Variants in NPEPPS observed in about 807,000 individuals in gnomAD.
NPEPPS encodes aminopeptidase puromycin sensitive, also known as puromycin-sensitive aminopeptidase.
NPEPPS carries 14 observed loss-of-function variants against 115.5 expected under a neutral mutation model. The ratio of observed to expected loss-of-function variants is 0.12; its 90% confidence interval spans 0.08 to 0.19. NPEPPS has a LOEUF of 0.19. Ranked by LOEUF, NPEPPS falls within the 10% of genes least tolerant of loss-of-function variation. The pLI is 1.00. For missense variants in NPEPPS, 523 were observed against 1,110.8 expected (o/e 0.47, Z 7.52); for synonymous variants, 285 against 390.6 (o/e 0.73, Z 3.19).
chr17:47,613,938 C>T (rs887537478), intron 19 of NPEPPS, among the ~76,000 whole-genome samples: 5 of 151,826 alleles, frequency 3.3e-5, no homozygotes, highest in Non-Finnish European at 5.9e-5. Context: ...TACTTTTCCC[C>T]GCCTTTTTTA....
chr17:47,528,659 TTCAC>T (rs920872214), upstream of NPEPPS, among the ~76,000 whole-genome samples: 3 of 152,154 alleles, frequency 2.0e-5, no homozygotes, highest in African/African-American at 7.2e-5. Context: ...GAGACGGAGT[TTCAC>T]TCTTTTTGCC....
intron 4 of NPEPPS, chr17:47,580,215 C>T (rs1377384691): frequency 6.6e-6 from 1 of 152,030 alleles, no homozygotes; most frequent in Non-Finnish European, 1.5e-5. Context: ...AATTTTTTAT[C>T]CAGTTTACTA....
chr17:47,581,202 T>C (rs1333051981), intron 4 of NPEPPS: 1 of 152,086 alleles, frequency 6.6e-6, no homozygotes, highest in Non-Finnish European at 1.5e-5. Context: ...TGCTTTATTT[T>C]CTTCCTGCTT....
At chr17:47,571,727 A>G (rs1362235185) in intron 3 of NPEPPS, among the ~76,000 whole-genome samples, 1 of 152,154 alleles carries the variant, frequency 6.6e-6, no homozygotes, top group Non-Finnish European at 1.5e-5. Context: ...CAAAAAACAA[A>G]ACAAAACAAA....
chr17:47,528,191 A>G (rs1264347899), upstream of NPEPPS, among the ~76,000 whole-genome samples: 1 of 151,750 alleles, frequency 6.6e-6, no homozygotes. Context: ...AATCCCAGCT[A>G]CTGAGGAGGC....
At chr17:47,550,838 C>G (rs1331384471) in intron 2 of NPEPPS, among the ~76,000 whole-genome samples, 1 of 151,666 alleles carries the variant, frequency 6.6e-6, no homozygotes, top group East Asian at 1.9e-4. Context: ...TGTTGGCCAG[C>G]CTGGTCTCGA....
intron 2 of NPEPPS, among the ~76,000 whole-genome samples, chr17:47,546,813 T>A (rs1297605131): frequency 1.3e-5 from 2 of 152,138 alleles, no homozygotes; most frequent in African/African-American, 4.8e-5. Context: ...GGATTACAGA[T>A]GTGAGCCACC....
intron 2 of NPEPPS, among the ~76,000 whole-genome samples, chr17:47,564,174 G>C (rs868058592): frequency 3.3e-5 from 5 of 151,968 alleles, no homozygotes; most frequent in African/African-American, 1.2e-4. Context: ...CTCCCACCTC[G>C]GTCTCCCAAA....
chr17:47,615,073 CT>C (rs60829784), intron 19 of NPEPPS, among the ~76,000 whole-genome samples: 216 of 122,428 alleles, frequency 1.8e-3, no homozygotes, highest in African/African-American at 2.1e-3. Flanking sequence ...TACTTTCTTT[CT>C]TTTTTTTTTT....
At chr17:47,571,366 T>A (rs935768834) in intron 3 of NPEPPS, among the ~76,000 whole-genome samples, 8 of 152,182 alleles carry the variant, frequency 5.3e-5, no homozygotes, top group African/African-American at 2.4e-5. Context: ...AAAATTTAAA[T>A]TGGAGATGTT....
chr17:47,576,816 ATG>A (rs773060199), intron 3 of NPEPPS, among the ~76,000 whole-genome samples: 3 of 152,166 alleles, frequency 2.0e-5, no homozygotes, highest in Non-Finnish European at 4.4e-5. Flanking sequence ...GGTGTAAATT[ATG>A]TGTGTTGATA....
At chr17:47,600,648 T>C (rs1175300920) in intron 14 of NPEPPS, among the ~76,000 whole-genome samples, 1 of 152,228 alleles carries the variant, frequency 6.6e-6, no homozygotes, top group African/African-American at 2.4e-5. Context: ...CCTGATAGCA[T>C]AAAGCTATGT....
intron 1 of NPEPPS, among the ~76,000 whole-genome samples, chr17:47,544,068 G>A (rs1238689130): frequency 2.0e-5 from 3 of 152,010 alleles, no homozygotes; most frequent in African/African-American, 7.2e-5. Context: ...CTCATTTTTT[G>A]TATTTTTAGT....
At chr17:47,592,826 G>GTGC in intron 12 of NPEPPS, 1 of 308,830 alleles carries the variant, frequency 3.2e-6, no homozygotes, top group South Asian at 3.6e-5. Context: ...CAGTATACAT[G>GTGC]TGCGGGCCAT....
chr17:47,606,228 A>C (rs1913507549), intron 17 of NPEPPS, among the ~76,000 whole-genome samples: 1 of 152,158 alleles, frequency 6.6e-6, no homozygotes, highest in Non-Finnish European at 1.5e-5. Flanking sequence ...TTTTTAATTA[A>C]GGAAATTATT....
chr17:47,541,421 G>T (rs1221779497), intron 1 of NPEPPS, among the ~76,000 whole-genome samples: 5 of 151,624 alleles, frequency 3.3e-5, no homozygotes, highest in Non-Finnish European at 7.4e-5. Flanking sequence ...TTGTCGCCCA[G>T]GTTGGAGTGC....
upstream of NPEPPS, among the ~76,000 whole-genome samples, chr17:47,528,635 AT>A (rs972610680): frequency 4.5e-4 from 67 of 147,274 alleles, 1 homozygote; most frequent in South Asian, 1.1e-3. Flanking sequence ...TATCTCATTA[AT>A]TTTTTTTTTT....
At chr17:47,544,957 G>A (rs1204402293) in intron 1 of NPEPPS, among the ~76,000 whole-genome samples, 4 of 148,486 alleles carry the variant, frequency 2.7e-5, no homozygotes, top group African/African-American at 7.5e-5. Context: ...CGCCTGCCTC[G>A]GCCTCCCAAG....
At chr17:47,614,002 G>A (rs529891464) in intron 19 of NPEPPS, among the ~76,000 whole-genome samples, 1 of 150,594 alleles carries the variant, frequency 6.6e-6, no homozygotes, top group Admixed American at 6.6e-5. Flanking sequence ...TTGAGACAAG[G>A]TCTCACTCTG....
Sources: allele counts gnomAD v4.1 joint callset (sites outside exome capture counted in the v4.1 genomes callset), GRCh38; gene constraint gnomAD v4.1.1; transcripts MANE v1.5; gene names NCBI Gene and HGNC (gene_info 2026-07-23, HGNC 2026-07-21).